Variants in CALN1 observed in about 807,000 individuals in gnomAD.
The protein encoded by CALN1 is calcium-binding protein 8.
In CALN1, 17 loss-of-function variants were observed where a neutral mutation model predicts 30.6. The ratio of observed to expected loss-of-function variants is 0.56; its 90% CI spans 0.38 to 0.83. CALN1 has a LOEUF of 0.83. CALN1 is among the 40% of genes least tolerant of loss of function. The pLI is 0.00. For missense variants in CALN1, 291 were observed against 354.9 expected (o/e 0.82, Z 1.45); for synonymous variants, 156 against 131.4 (o/e 1.19, Z -1.28).
At chr7:72,220,453 T>C (rs1241311160) in intron 3 of CALN1, among the ~76,000 whole-genome samples, 6 of 151,548 alleles carry the variant, frequency 4.0e-5, no homozygotes, top group Non-Finnish European at 5.9e-5. Context: ...TGTTGGACAT[T>C]TGGGTTGGTT....
intron 4 of CALN1, among the ~76,000 whole-genome samples, chr7:72,067,768 C>T (rs1804123946): frequency 6.6e-6 from 1 of 152,098 alleles, no homozygotes; most frequent in African/African-American, 2.4e-5. Flanking sequence ...GGCAGCGGCA[C>T]TTGGTATGCT....
At chr7:72,199,475 C>CG (rs1029016448) in intron 3 of CALN1, among the ~76,000 whole-genome samples, 1 of 152,048 alleles carries the variant, frequency 6.6e-6, no homozygotes, top group Non-Finnish European at 1.5e-5. Context: ...CAGGCTGAGC[C>CG]GGGGGGCATT....
At position 72,177,581 on chromosome 7, in the gene CALN1, A is replaced by T. The variant is rs563975956; in HGVS notation, c.245-71287T>A. On this transcript the variant is annotated intron_variant, in intron 3 of 6. Coordinates refer to ENST00000395275, the MANE Select transcript of CALN1 (RefSeq NM_031468.4). ...GGAGTTCGAGACCAGCCTGGCCAAC[A>T]TGGTGAAACCTCATCTCTACCAAAA... Among the ~76,000 whole-genome samples, 6 of 152,112 alleles carry T rather than the reference A, an allele frequency of 3.9e-5. No individual in the cohort carries two copies. The South Asian group carries it at 1.2e-3, about 32-fold the overall frequency.
At chr7:72,358,419 C>T (rs191384531) in intron 2 of CALN1, among the ~76,000 whole-genome samples, 3 of 150,328 alleles carry the variant, frequency 2.0e-5, no homozygotes, top group Non-Finnish European at 2.9e-5. Context: ...AGATACAATC[C>T]TCTTGTTCTC....
At chr7:72,100,708 T>A (rs1806591082) in intron 4 of CALN1, among the ~76,000 whole-genome samples, 1 of 149,296 alleles carries the variant, frequency 6.7e-6, no homozygotes, top group Admixed American at 6.8e-5. Flanking sequence ...TAGTCCCAGC[T>A]ACTTGGGAAG....
chr7:72,284,411 T>G (rs1797937088), intron 2 of CALN1, among the ~76,000 whole-genome samples: 1 of 152,224 alleles, frequency 6.6e-6, no homozygotes, highest in Non-Finnish European at 1.5e-5. Flanking sequence ...GTTGCCCAGA[T>G]ATTTGGTTGA....
chr7:72,099,955 A>G (rs138524519), intron 4 of CALN1, among the ~76,000 whole-genome samples: 1,544 of 152,226 alleles, frequency 0.01, 89 homozygotes, highest in Admixed American at 0.085. Context: ...CTTAAACCGC[A>G]TACCAGATGC....
chr7:72,177,712 C>G (rs958139721), intron 3 of CALN1, among the ~76,000 whole-genome samples: 2 of 143,832 alleles, frequency 1.4e-5, no homozygotes, highest in Admixed American at 7.4e-5. Context: ...CTGCAGTGAG[C>G]TGAAATTGCA....
chr7:72,362,887 A>G (rs1562922800), intron 2 of CALN1, among the ~76,000 whole-genome samples: 1 of 152,224 alleles, frequency 6.6e-6, no homozygotes. Context: ...CGGTAAATGA[A>G]GCAGACTTCT....
intron 5 of CALN1, among the ~76,000 whole-genome samples, chr7:71,994,138 AGATT>A (rs1196434696): frequency 3.3e-5 from 5 of 152,218 alleles, no homozygotes; most frequent in African/African-American, 4.8e-5. Flanking sequence ...AAATTTTATG[AGATT>A]AATTATAATT....
At chr7:72,018,271 G>A (rs377746596) in intron 5 of CALN1, among the ~76,000 whole-genome samples, 10 of 152,060 alleles carry the variant, frequency 6.6e-5, no homozygotes, top group Non-Finnish European at 8.8e-5. Context: ...CCTGAGGACC[G>A]TGCTTGACTT....
chr7:72,299,176 GATAATCAGTAAAGT>G (rs1274415757), intron 2 of CALN1, among the ~76,000 whole-genome samples: 2 of 152,168 alleles, frequency 1.3e-5, no homozygotes, highest in East Asian at 3.9e-4. Flanking sequence ...CTCTACTGTA[GATAATCAGTAAAGT>G]ATAATTTCCT....
At chr7:72,336,727 A>G (rs1802073405) in intron 2 of CALN1, 1 of 985,106 alleles carries the variant, frequency 1.0e-6, no homozygotes, top group Non-Finnish European at 1.2e-6. Flanking sequence ...GGGGCTCCGC[A>G]GCCCGGCAGC....
intron 3 of CALN1, among the ~76,000 whole-genome samples, chr7:72,170,653 A>T (rs1036338825): frequency 6.6e-6 from 1 of 152,208 alleles, no homozygotes; most frequent in Non-Finnish European, 1.5e-5. Flanking sequence ...TTCCTGAGTC[A>T]TTCTCTGCCT....
intron 5 of CALN1, among the ~76,000 whole-genome samples, chr7:71,831,816 C>G (rs375499212): frequency 2.4e-5 from 3 of 126,840 alleles, no homozygotes; most frequent in African/African-American, 8.8e-5. Flanking sequence ...CGCATGAGCC[C>G]GGAAGGTGGA....
intron 5 of CALN1, among the ~76,000 whole-genome samples, chr7:71,839,526 A>G (rs74857380): frequency 0.017 from 2,611 of 152,264 alleles, 56 homozygotes; most frequent in African/African-American, 0.06. Context: ...AGTGAAGCTA[A>G]GAAAATGACA....
At chr7:72,352,597 T>C (rs2129559369) in intron 2 of CALN1, among the ~76,000 whole-genome samples, 1 of 152,160 alleles carries the variant, frequency 6.6e-6, no homozygotes, top group African/African-American at 2.4e-5. Flanking sequence ...TTGAACTAAA[T>C]GAAATGAAAG....
chr7:71,870,843 C>T (rs1174297688), intron 5 of CALN1, among the ~76,000 whole-genome samples: 1 of 152,134 alleles, frequency 6.6e-6, no homozygotes, highest in Non-Finnish European at 1.5e-5. Context: ...TTGGGTTGGC[C>T]TTGCATGGTT....
intron 4 of CALN1, among the ~76,000 whole-genome samples, chr7:72,084,462 A>G (rs1183628657): frequency 2.0e-5 from 3 of 150,688 alleles, no homozygotes; most frequent in Non-Finnish European, 4.4e-5. Flanking sequence ...GGGTTCAAGC[A>G]ATTCTCCTGC....
Sources: allele counts gnomAD v4.1 joint callset (sites outside exome capture counted in the v4.1 genomes callset), GRCh38; gene constraint gnomAD v4.1.1; transcripts MANE v1.5; gene names NCBI Gene and HGNC (gene_info 2026-07-23, HGNC 2026-07-21).